Variants in QRICH1 observed in about 807,000 individuals in gnomAD.
QRICH1 encodes the protein transcriptional regulator QRICH1.
Under a neutral mutation model 87.1 loss-of-function variants are expected in QRICH1, and 16 were observed. The ratio of observed to expected loss-of-function variants is 0.18; its 90% CI spans 0.12 to 0.28. QRICH1 has a LOEUF of 0.28. QRICH1 is among the 10% of genes least tolerant of loss of function. QRICH1 has a pLI of 1.00. For missense variants in QRICH1, 647 were observed against 951.7 expected, an observed-to-expected ratio of 0.68 and a Z score of 4.21; for synonymous variants, 367 against 368.4, an observed-to-expected ratio of 1.00 and a Z score of 0.05.
intron 1 of QRICH1, among the ~76,000 whole-genome samples, chr3:49,078,683 C>T (rs1170519891): frequency 6.9e-6 from 1 of 145,918 alleles, no homozygotes; most frequent in Admixed American, 6.9e-5. Flanking sequence ...GCGTGAGCCA[C>T]CACACCTGTC....
rs776801169 is a variant in QRICH1, at chr3:49,033,185, C to A, written c.1830G>T (p.Glu610Asp). The A allele has an allele frequency of 6.3e-7, 1 of 1,588,410 alleles. No homozygotes were observed. ...PSHVTEEMLW[E>D]CKQLGAHSPS... is the part of the protein sequence containing the mutation. Reference sequence around the variant, plus strand: ...GGGAGTGAGCCCCAAGCTGCTTGCACTCCCATAGCATCTCCTCAGTCACGT... The same window carrying A: ...GGGAGTGAGCCCCAAGCTGCTTGCAATCCCATAGCATCTCCTCAGTCACGT... Residue 610 changes from glutamate (E) to aspartate (D), a missense_variant, in exon 7 of 10, where the codon GAG becomes GAT. Glu to Asp is a conservative substitution (Grantham distance 45). Coordinates refer to ENST00000395443, the MANE Select transcript of QRICH1 (RefSeq NM_198880.3).
intron 8 of QRICH1, 101 bp from the exon 9 acceptor site, chr3:49,032,374 ATAC>A: frequency 1.7e-6 from 1 of 597,230 alleles, no homozygotes; most frequent in Non-Finnish European, 3.0e-6. Context: ...CAACTAGGAA[ATAC>A]AGGGTCGGGG....
At chr3:49,034,592 G>A (rs2093263239) in intron 6 of QRICH1, among the ~76,000 whole-genome samples, 2 of 152,236 alleles carry the variant, frequency 1.3e-5, no homozygotes, top group African/African-American at 2.4e-5. Context: ...AAATACAGGC[G>A]TGAACCACCA....
intron 1 of QRICH1, among the ~76,000 whole-genome samples, chr3:49,079,013 G>A (rs1223067509): frequency 6.6e-6 from 1 of 151,826 alleles, no homozygotes; most frequent in Non-Finnish European, 1.5e-5. Flanking sequence ...ATAGCTCCAC[G>A]GACTCAAGCA....
intron 2 of QRICH1, among the ~76,000 whole-genome samples, chr3:49,059,192 C>T (rs957596993): frequency 7.3e-5 from 11 of 151,468 alleles, no homozygotes; most frequent in African/African-American, 2.4e-4. Context: ...GTCTCCATCT[C>T]CTGACCTCGT....
At chr3:49,044,639 T>C in intron 5 of QRICH1, 135 bp from the exon 6 acceptor site, 5 of 606,196 alleles carry the variant, frequency 8.2e-6, no homozygotes, top group South Asian at 8.1e-5. Context: ...GGCACCAGCA[T>C]GTGACACTTC....
chr3:49,035,130 G>C (rs1008743221), intron 6 of QRICH1, among the ~76,000 whole-genome samples: 1 of 152,140 alleles, frequency 6.6e-6, no homozygotes, highest in African/African-American at 2.4e-5. Context: ...CCAAGATCCA[G>C]GATGAGCAGA....
chr3:49,032,414 G>A, intron 8 of QRICH1, 141 bp from the exon 9 acceptor site: 3 of 841,424 alleles, frequency 3.6e-6, no homozygotes, highest in Non-Finnish European at 5.6e-6. Flanking sequence ...CATGGGCAGT[G>A]ACTACTAAGG....
At position 49,056,273 on chromosome 3, in the gene QRICH1, C is replaced by T. The variant is rs187407156; in HGVS notation, c.1338+589G>A. On this transcript the variant is annotated intron_variant, in intron 3 of 9. Coordinates refer to ENST00000395443, the MANE Select transcript of QRICH1 (RefSeq NM_198880.3). ...ACAGAAGTGCACCACCTCGCCCGGC[C>T]GCCCCCGTAACACAAAAACTCTTGG... 2.5e-4 allele frequency among the ~76,000 whole-genome samples: 38 copies of T among 152,304 alleles called. 1 individual carries two copies. The East Asian group carries it at 5.4e-3, about 22-fold the overall frequency.
intron 1 of QRICH1, among the ~76,000 whole-genome samples, chr3:49,087,820 A>AAAAAAAAAAAAAAAG: frequency 1.4e-5 from 2 of 143,964 alleles, no homozygotes; most frequent in Middle Eastern, 3.5e-3. Flanking sequence ...GTTCATCTCA[A>AAAAAAAAAAAAAAAG]AAAAAAAAAA....
chr3:49,032,899 C>A, intron 7 of QRICH1, 126 bp from the exon 8 acceptor site: 1 of 1,229,490 alleles, frequency 8.1e-7, no homozygotes. Context: ...AGGCCCGTAC[C>A]CAAGCAGTGT....
At chr3:49,092,838 A>C (rs183688212) in intron 1 of QRICH1, among the ~76,000 whole-genome samples, 1 of 152,226 alleles carries the variant, frequency 6.6e-6, no homozygotes, top group Non-Finnish European at 1.5e-5. Flanking sequence ...CTGCAATTTC[A>C]AAAAAGGTAA....
intron 2 of QRICH1, among the ~76,000 whole-genome samples, chr3:49,063,741 A>C (rs866242602): frequency 6.6e-6 from 1 of 152,188 alleles, no homozygotes; most frequent in African/African-American, 2.4e-5. Flanking sequence ...GTGAACTATG[A>C]ACGGCACGTG....
At chr3:49,076,010 G>C (rs1167962390) in intron 2 of QRICH1, among the ~76,000 whole-genome samples, 3 of 152,118 alleles carry the variant, frequency 2.0e-5, no homozygotes, top group Non-Finnish European at 4.4e-5. Flanking sequence ...TTTGGATAAG[G>C]AGGCAGGTGG....
At chr3:49,064,096 GTTT>G (rs199881791) in intron 2 of QRICH1, among the ~76,000 whole-genome samples, 1 of 150,642 alleles carries the variant, frequency 6.6e-6, no homozygotes, top group African/African-American at 2.4e-5. Context: ...GTTGTTTTTT[GTTT>G]TTTATATTTT....
intron 2 of QRICH1, among the ~76,000 whole-genome samples, chr3:49,065,779 C>A (rs1423286464): frequency 6.6e-6 from 1 of 151,734 alleles, no homozygotes; most frequent in East Asian, 1.9e-4. Flanking sequence ...TTCCCGGGTT[C>A]ACGCCATTCT....
At chr3:49,064,388 C>T (rs1204311765) in intron 2 of QRICH1, among the ~76,000 whole-genome samples, 1 of 150,790 alleles carries the variant, frequency 6.6e-6, no homozygotes, top group African/African-American at 2.4e-5. Context: ...ATTATAGGTG[C>T]CCACCACCAT....
intron 1 of QRICH1, among the ~76,000 whole-genome samples, chr3:49,090,214 C>T (rs2107056565): frequency 6.6e-6 from 1 of 152,324 alleles, no homozygotes; most frequent in Non-Finnish European, 1.5e-5. Context: ...AATCCCAGCA[C>T]TGTGGGAGGC....
chr3:49,088,926 T>A (rs2042221316), intron 1 of QRICH1, among the ~76,000 whole-genome samples: 1 of 151,392 alleles, frequency 6.6e-6, no homozygotes, highest in Non-Finnish European at 1.5e-5. Context: ...GTTCCACCCA[T>A]ATTTCGATTT....
Sources: allele counts gnomAD v4.1 joint callset (sites outside exome capture counted in the v4.1 genomes callset), GRCh38; gene constraint gnomAD v4.1.1; transcripts MANE v1.5; gene names NCBI Gene and HGNC (gene_info 2026-07-23, HGNC 2026-07-21).